The following EBAG9 variants were observed in gnomAD, a reference collection of about 807,000 sequenced individuals.
EBAG9 encodes estrogen receptor binding site associated antigen 9.
In EBAG9, 16 loss-of-function variants were observed where a neutral mutation model predicts 30.9. The observed-to-expected ratio is 0.52, with a 90% confidence interval of 0.35 to 0.79. The LOEUF (loss-of-function observed/expected upper bound fraction) is 0.79, where lower values mean the gene tolerates loss of function less well. Among genes scored for constraint, EBAG9 ranks in the 30% least tolerant of loss-of-function variants. The pLI, the probability that EBAG9 is intolerant of heterozygous loss-of-function variation, is 0.01. For missense variants in EBAG9, 197 were observed against 242.1 expected (o/e 0.81, Z 1.24); for synonymous variants, 93 against 82.8 (o/e 1.12, Z -0.67).
At chr8:109,559,986 A>G (rs1821679724) in intron 5 of EBAG9, among the ~76,000 whole-genome samples, 1 of 152,316 alleles carries the variant, frequency 6.6e-6, no homozygotes, top group Middle Eastern at 3.4e-3. Flanking sequence ...TTAACAGAGT[A>G]TGGTATTACA....
intron 1 of EBAG9, among the ~76,000 whole-genome samples, chr8:109,543,972 G>A (rs184444730): frequency 6.7e-6 from 1 of 149,712 alleles, no homozygotes; most frequent in Admixed American, 6.7e-5. Context: ...AGAGGTTGCA[G>A]TGAGCCAAGA....
intron 1 of EBAG9, 153 bp from the exon 2 acceptor site, chr8:109,550,656 TA>T (rs1821474520): frequency 1.8e-6 from 1 of 545,468 alleles, no homozygotes; most frequent in Admixed American, 3.8e-5. Context: ...TAATATGATT[TA>T]AATTATAATT....
At chr8:109,550,034 A>C (rs1821461276) in intron 1 of EBAG9, among the ~76,000 whole-genome samples, 1 of 152,032 alleles carries the variant, frequency 6.6e-6, no homozygotes, top group African/African-American at 2.4e-5. Context: ...TTTCAATTGG[A>C]ATGCTATACA....
At chr8:109,555,215 T>C (rs905974255) in intron 4 of EBAG9, among the ~76,000 whole-genome samples, 2 of 151,952 alleles carry the variant, frequency 1.3e-5, no homozygotes, top group African/African-American at 4.8e-5. Flanking sequence ...TTCCCACCTA[T>C]GAGTGACAAC....
chr8:109,541,306 A>G (rs1183497740), intron 1 of EBAG9, among the ~76,000 whole-genome samples: 1 of 152,222 alleles, frequency 6.6e-6, no homozygotes, highest in Non-Finnish European at 1.5e-5. Flanking sequence ...GGTGATCTAG[A>G]GGGCATTTCA....
intron 6 of EBAG9, 119 bp downstream of exon 6, chr8:109,561,048 A>ATTATCTAAG: frequency 1.3e-6 from 1 of 786,046 alleles, no homozygotes; most frequent in Non-Finnish European, 2.0e-6. Flanking sequence ...TTTGATCCTT[A>ATTATCTAAG]GATAATAAGG....
intron 1 of EBAG9, among the ~76,000 whole-genome samples, chr8:109,549,249 C>A (rs1821446964): frequency 6.6e-6 from 1 of 151,822 alleles, no homozygotes. Context: ...AAACTAAGCA[C>A]CAGTTTTTCA....
At position 109,540,181 on chromosome 8, in the gene EBAG9, A is replaced by C. The variant is rs576052947; in HGVS notation, c.-296A>C. On this transcript the variant is annotated 5_prime_UTR_variant, in exon 1 of 7. Transcript: ENST00000337573. ...GACTGGGAGCGGGACCCAGGCGTGC[A>C]GCATTCGCCATGCTCCGCTCACGCG... 8 of 152,418 alleles carry C rather than the reference A, an allele frequency of 5.2e-5. No individual in the cohort carries two copies. The highest frequency in any genetic ancestry group is 1.9e-4 in the African/African-American group (8 of 41,462). 9.4% of individuals were successfully genotyped at this position (152,418 alleles called of 1,614,324 possible). A position where few individuals can be genotyped will look rare whatever the true frequency, so the allele number is the denominator to read the frequency against.
intron 5 of EBAG9, among the ~76,000 whole-genome samples, chr8:109,558,264 A>G (rs947084511): frequency 6.6e-6 from 1 of 152,126 alleles, no homozygotes; most frequent in African/African-American, 2.4e-5. Context: ...GCCCTGTGGC[A>G]TTAAAGGGTC....
Position 109,560,934 on chromosome 8 carries a change from T to C in EBAG9, c.521+5T>C. 2.5e-6 allele frequency: 4 copies of C among 1,610,154 alleles called. No homozygotes were observed. ...GCAAGCAGAAGAAGTTCTGAGGTAT[T>C]TGAGTGGCATTTATATTGCAACCTG... On this transcript the variant is annotated splice_donor_5th_base_variant and intron_variant, in intron 6 of 6. Transcript: ENST00000337573.
chr8:109,562,053 C>A (rs74942793), intron 6 of EBAG9, among the ~76,000 whole-genome samples: 8,098 of 151,812 alleles, frequency 0.053, 490 homozygotes, highest in African/African-American at 0.15. Flanking sequence ...TAGGATATTG[C>A]ATGGATCATC....
Position 109,550,856 on chromosome 8 carries a change from T to G in EBAG9, c.32T>G (p.Phe11Cys). Residue 11 changes from phenylalanine (F) to cysteine (C), a missense_variant, in exon 2 of 7, where the codon TTT (phenylalanine) becomes TGT (cysteine). Phe to Cys is a radical substitution (Grantham distance 205, BLOSUM62 -2). Coordinates refer to ENST00000337573, the MANE Select transcript of EBAG9 (RefSeq NM_004215.5). ...ATCACCCAGTTTCGGTTATTTAAAT[T>G]TTGTACCTGCCTAGCAACAGTATTC... MAITQFRLFK[F>C]CTCLATVFSF... 1 of 1,604,144 alleles carries G rather than the reference T, an allele frequency of 6.2e-7. No homozygotes were observed. The highest frequency in any genetic ancestry group is 8.5e-7 in the Non-Finnish European group (1 of 1,173,938).
intron 3 of EBAG9, among the ~76,000 whole-genome samples, chr8:109,554,503 T>C (rs1378158779): frequency 1.3e-5 from 2 of 152,206 alleles, no homozygotes; most frequent in Non-Finnish European, 2.9e-5. Context: ...TTTTTTGTTT[T>C]TTGATGGACA....
intron 5 of EBAG9, among the ~76,000 whole-genome samples, chr8:109,558,274 C>T (rs543949465): frequency 6.6e-6 from 1 of 152,138 alleles, no homozygotes; most frequent in South Asian, 2.1e-4. Flanking sequence ...ATTAAAGGGT[C>T]TTTGCCTCAG....
At chr8:109,552,676 T>C (rs1298242137) in intron 2 of EBAG9, among the ~76,000 whole-genome samples, 2 of 152,266 alleles carry the variant, frequency 1.3e-5, no homozygotes, top group Non-Finnish European at 2.9e-5. Context: ...ATTGGCACTA[T>C]AAATTTCTGT....
At position 109,565,492 on chromosome 8, in the gene EBAG9, G is replaced by A. The variant is rs915634556; in HGVS notation, c.*933G>A. On this transcript the variant is annotated 3_prime_UTR_variant, in exon 7 of 7. Transcript: ENST00000337573. ...TGTAGGTTACCTGTGTTCTTGGCTA[G>A]GAAAACATTATTGATTCATTAAATC... is the stretch of plus-strand genomic sequence containing the variant. 5 of 151,996 alleles carry A rather than the reference G, an allele frequency of 3.3e-5. No homozygotes were observed. The highest frequency in any genetic ancestry group is 7.4e-5 in the Non-Finnish European group (5 of 67,958). The allele number at this position is 151,996 out of a possible 1,614,324, so 9.4% of individuals were successfully genotyped here.
At chr8:109,547,542 G>T (rs745747222) in intron 1 of EBAG9, among the ~76,000 whole-genome samples, 1 of 150,942 alleles carries the variant, frequency 6.6e-6, no homozygotes, top group East Asian at 2.0e-4. Context: ...GTGCAGTGGC[G>T]TGATCTCGGC....
intron 1 of EBAG9, among the ~76,000 whole-genome samples, chr8:109,542,511 G>C (rs540626666): frequency 1.0e-3 from 159 of 152,256 alleles, no homozygotes; most frequent in African/African-American, 3.7e-3. Flanking sequence ...TACTGATAGA[G>C]TATCTCCTTG....
chr8:109,554,044 G>T, intron 3 of EBAG9, 101 bp downstream of exon 3: 1 of 790,138 alleles, frequency 1.3e-6, no homozygotes, highest in Non-Finnish European at 1.9e-6. Flanking sequence ...ATCATTAATA[G>T]AAATTAATTT....
Sources: allele counts gnomAD v4.1 joint callset (sites outside exome capture counted in the v4.1 genomes callset), GRCh38; gene constraint gnomAD v4.1.1; transcripts MANE v1.5; gene names NCBI Gene and HGNC (gene_info 2026-07-23, HGNC 2026-07-21).